The following CACNA2D3 variants were observed in gnomAD, a reference collection of about 807,000 sequenced individuals.
CACNA2D3 encodes calcium voltage-gated channel auxiliary subunit alpha2delta 3, also known as voltage-dependent calcium channel subunit alpha-2/delta-3.
CACNA2D3 carries 60 observed loss-of-function variants against 160.6 expected under a neutral mutation model. The ratio of observed to expected loss-of-function variants is 0.37; its 90% CI spans 0.30 to 0.46. CACNA2D3 has a LOEUF of 0.46. CACNA2D3 is among the 20% of genes least tolerant of loss of function. CACNA2D3 has a pLI of 1.00. For missense variants in CACNA2D3, 1,205 were observed against 1,365.0 expected (o/e 0.88, Z 1.85); for synonymous variants, 558 against 492.9 (o/e 1.13, Z -1.75).
At position 54,500,520 on chromosome 3, in the gene CACNA2D3, C is replaced by T. The variant is rs150156617; in HGVS notation, c.382-2972C>T. 9.0e-3 allele frequency among the ~76,000 whole-genome samples: 491 copies of T among 54,282 alleles called. 3 individuals carry two copies. The highest frequency in any genetic ancestry group is 0.013 in the Admixed American group (71 of 5,316). 35.6% of individuals were successfully genotyped at this position (54,282 alleles called of 152,430 possible). A position where few individuals can be genotyped will look rare whatever the true frequency, so the allele number is the denominator to read the frequency against. The stretch of plus-strand genomic sequence containing the variant: ...TCCTTCCTATCTTCCTTCCTTCCTT[C>T]CTTCCTTCCTTCCTTCCTTCCTTCC... On this transcript the variant is annotated intron_variant, in intron 4 of 37. Transcript: ENST00000474759.
chr3:54,540,638 T>C (rs1372357011), intron 5 of CACNA2D3, among the ~76,000 whole-genome samples: 2 of 152,174 alleles, frequency 1.3e-5, no homozygotes, highest in Non-Finnish European at 2.9e-5. Flanking sequence ...TAGTTTGCAG[T>C]TGGCTGTTTT....
At chr3:54,715,772 T>TA (rs1273293553) in intron 11 of CACNA2D3, among the ~76,000 whole-genome samples, 1 of 152,066 alleles carries the variant, frequency 6.6e-6, no homozygotes, top group African/African-American at 2.4e-5. Flanking sequence ...TATTCAGCCA[T>TA]AAAAAAGAGG....
chr3:54,458,578 T>C (rs1472422386), intron 4 of CACNA2D3, among the ~76,000 whole-genome samples: 1 of 152,010 alleles, frequency 6.6e-6, no homozygotes, highest in Non-Finnish European at 1.5e-5. Context: ...TTGATGTTTT[T>C]CTCTTGCTGT....
chr3:54,564,734 C>T (rs1702381977), intron 6 of CACNA2D3, among the ~76,000 whole-genome samples: 1 of 152,168 alleles, frequency 6.6e-6, no homozygotes, highest in East Asian at 1.9e-4. Flanking sequence ...AAATCATGAA[C>T]TAGACAAAAG....
chr3:54,727,738 C>T (rs1305818544), intron 11 of CACNA2D3, among the ~76,000 whole-genome samples: 1 of 152,136 alleles, frequency 6.6e-6, no homozygotes, highest in Non-Finnish European at 1.5e-5. Flanking sequence ...AGGGGAACAT[C>T]ACACACCAGG....
intron 18 of CACNA2D3, among the ~76,000 whole-genome samples, chr3:54,872,959 T>A (rs1014178802): frequency 6.6e-6 from 1 of 152,062 alleles, no homozygotes. Context: ...CCACCCTGGC[T>A]TAGCGCAATT....
At chr3:54,982,100 G>A (rs1702521100) in intron 29 of CACNA2D3, among the ~76,000 whole-genome samples, 1 of 152,130 alleles carries the variant, frequency 6.6e-6, no homozygotes, top group South Asian at 2.1e-4. Context: ...GGAGGAAAAA[G>A]CTCCCCATGT....
intron 2 of CACNA2D3, among the ~76,000 whole-genome samples, chr3:54,301,045 T>G (rs78516856): frequency 0.068 from 9,620 of 141,906 alleles, 451 homozygotes; most frequent in East Asian, 0.23. Flanking sequence ...AAAGAAAAAA[T>G]AAAGGATAAG....
At chr3:54,689,883 C>T (rs1278907577) in intron 11 of CACNA2D3, among the ~76,000 whole-genome samples, 2 of 152,122 alleles carry the variant, frequency 1.3e-5, no homozygotes, top group Non-Finnish European at 2.9e-5. Flanking sequence ...TCATGTTTCT[C>T]CTCTGCTCAG....
intron 4 of CACNA2D3, among the ~76,000 whole-genome samples, chr3:54,424,966 A>G (rs1699891331): frequency 6.6e-6 from 1 of 152,180 alleles, no homozygotes; most frequent in Admixed American, 6.5e-5. Flanking sequence ...CAGAAAAAAG[A>G]GAGAAGGACC....
chr3:54,726,008 A>AAAACCACATCGTCTCAGTGGAGTCTCC (rs1357652728), intron 11 of CACNA2D3, among the ~76,000 whole-genome samples: 1 of 152,218 alleles, frequency 6.6e-6, no homozygotes, highest in Non-Finnish European at 1.5e-5. Flanking sequence ...GTGTATTTAG[A>AAAACCACATCGTCTCAGTGGAGTCTCC]AAACCACATC....
intron 2 of CACNA2D3, among the ~76,000 whole-genome samples, chr3:54,245,214 A>AT (rs1178674645): frequency 6.7e-6 from 1 of 149,182 alleles, no homozygotes; most frequent in Non-Finnish European, 1.5e-5. Flanking sequence ...CAGTCTTTTT[A>AT]TTTTTTTTTT....
At chr3:54,516,236 A>G (rs1445811005) in intron 5 of CACNA2D3, among the ~76,000 whole-genome samples, 1 of 152,186 alleles carries the variant, frequency 6.6e-6, no homozygotes, top group East Asian at 1.9e-4. Context: ...CACCTCAGAT[A>G]GGTGAGTTTC....
chr3:54,505,207 G>C (rs1010978207), intron 5 of CACNA2D3, among the ~76,000 whole-genome samples: 6 of 152,110 alleles, frequency 3.9e-5, no homozygotes, highest in Non-Finnish European at 7.4e-5. Context: ...ATTCCGAGGT[G>C]AATCAGATGC....
chr3:54,441,282 C>T (rs1459349418), intron 4 of CACNA2D3, among the ~76,000 whole-genome samples: 2 of 152,168 alleles, frequency 1.3e-5, no homozygotes, highest in African/African-American at 2.4e-5. Flanking sequence ...ACATAAATGT[C>T]TTCTTTTGAG....
At chr3:54,657,626 A>G (rs922926493) in intron 11 of CACNA2D3, among the ~76,000 whole-genome samples, 1 of 152,176 alleles carries the variant, frequency 6.6e-6, no homozygotes, top group African/African-American at 2.4e-5. Flanking sequence ...AATTCATCAC[A>G]GTATTTGTCC....
At chr3:54,681,322 A>T (rs919328231) in intron 11 of CACNA2D3, among the ~76,000 whole-genome samples, 1 of 139,042 alleles carries the variant, frequency 7.2e-6, no homozygotes, top group African/African-American at 2.7e-5. Context: ...AGATCATTTG[A>T]GGTCAGGAGT....
chr3:54,870,165 C>G (rs1463719404), intron 17 of CACNA2D3, among the ~76,000 whole-genome samples: 1 of 152,166 alleles, frequency 6.6e-6, no homozygotes, highest in Non-Finnish European at 1.5e-5. Flanking sequence ...TTTGGCACCA[C>G]AGTGGTGCAA....
At chr3:54,214,215 A>G (rs1442606731) in intron 2 of CACNA2D3, among the ~76,000 whole-genome samples, 2 of 152,236 alleles carry the variant, frequency 1.3e-5, no homozygotes, top group Non-Finnish European at 2.9e-5. Context: ...CACACAAAAA[A>G]GAAAAGAGTA....
Sources: allele counts gnomAD v4.1 joint callset (sites outside exome capture counted in the v4.1 genomes callset), GRCh38; gene constraint gnomAD v4.1.1; transcripts MANE v1.5; gene names NCBI Gene and HGNC (gene_info 2026-07-23, HGNC 2026-07-21).